Variants in CDIN1 observed in about 807,000 individuals in gnomAD.
The protein encoded by CDIN1 is CDAN1 interacting nuclease 1, also known as CDAN1-interacting nuclease 1.
In CDIN1, 33 loss-of-function variants were observed where a neutral mutation model predicts 45.3. The observed-to-expected ratio is 0.73, with a 90% CI of 0.55 to 0.97. The LOEUF is 0.97. Among genes scored for constraint, CDIN1 ranks in the 50% least tolerant of loss-of-function variants. CDIN1 has a pLI of 0.00. For synonymous variants in CDIN1, 118 were observed against 124.4 expected (o/e 0.95, Z 0.34); for missense variants, 303 against 339.4 (o/e 0.89, Z 0.84).
intron 1 of CDIN1, among the ~76,000 whole-genome samples, chr15:36,608,648 T>C (rs557977167): frequency 8.5e-5 from 13 of 152,270 alleles, no homozygotes; most frequent in African/African-American, 3.1e-4. Context: ...CCTTGAGTTA[T>C]TCTTTTTTAA....
intron 10 of CDIN1, among the ~76,000 whole-genome samples, chr15:36,731,651 G>A (rs966422399): frequency 6.6e-6 from 1 of 151,984 alleles, no homozygotes; most frequent in Non-Finnish European, 1.5e-5. Flanking sequence ...CTTAAAAAGT[G>A]CACCACAAGA....
At chr15:36,752,231 A>G (rs1310252360) in intron 10 of CDIN1, among the ~76,000 whole-genome samples, 1 of 152,204 alleles carries the variant, frequency 6.6e-6, no homozygotes, top group Non-Finnish European at 1.5e-5. Flanking sequence ...AGGGCACTAA[A>G]TTTTTATTTA....
At chr15:36,702,193 C>A in intron 8 of CDIN1, 2 of 697,152 alleles carry the variant, frequency 2.9e-6, no homozygotes, top group South Asian at 3.0e-5. Flanking sequence ...CTTGTCTATC[C>A]GAAGGTTAAA....
At chr15:36,677,828 TG>T (rs1458326079) in intron 5 of CDIN1, among the ~76,000 whole-genome samples, 8 of 152,150 alleles carry the variant, frequency 5.3e-5, no homozygotes. Flanking sequence ...AAGTTGTGTG[TG>T]TGAGTGTGGA....
chr15:36,718,144 A>G (rs946330263), intron 10 of CDIN1, among the ~76,000 whole-genome samples: 5 of 152,028 alleles, frequency 3.3e-5, no homozygotes, highest in Non-Finnish European at 5.9e-5. Flanking sequence ...TTCTCCACCT[A>G]AATTACCTTT....
At chr15:36,629,193 T>A (rs961562338) in intron 1 of CDIN1, among the ~76,000 whole-genome samples, 1 of 152,178 alleles carries the variant, frequency 6.6e-6, no homozygotes, top group African/African-American at 2.4e-5. Context: ...ATCCACCAAG[T>A]TTTTGGTAAT....
chr15:36,588,254 A>T (rs763759922), intron 1 of CDIN1, among the ~76,000 whole-genome samples: 7 of 79,456 alleles, frequency 8.8e-5, no homozygotes. Context: ...TTTTAAACCT[A>T]AATTCACTGA....
At chr15:36,749,635 C>T (rs1009970265) in intron 10 of CDIN1, among the ~76,000 whole-genome samples, 2 of 152,190 alleles carry the variant, frequency 1.3e-5, no homozygotes, top group African/African-American at 4.8e-5. Flanking sequence ...GATGCTATTG[C>T]ATCAGTAATT....
intron 1 of CDIN1, among the ~76,000 whole-genome samples, chr15:36,620,254 G>A (rs1445128414): frequency 6.6e-6 from 1 of 152,160 alleles, no homozygotes; most frequent in East Asian, 1.9e-4. Context: ...GGGAGGCTGA[G>A]GCAGGAGAAT....
In CDIN1 at chr15:36,749,673, A is replaced by G. The variant is rs531345246; in HGVS notation, c.716+39712A>G. 7.5e-4 allele frequency among the ~76,000 whole-genome samples: 114 copies of G among 152,372 alleles called. 1 individual carries two copies. The South Asian group carries it at 0.023, about 31-fold the overall frequency. Reference sequence around the variant, plus strand: ...ACAGTGGTTCTTCTTTTAAAAAGCAAAAACAAAAAAGTACATCTGTGTTTT... The same window carrying G: ...ACAGTGGTTCTTCTTTTAAAAAGCAGAAACAAAAAAGTACATCTGTGTTTT... On this transcript the variant is annotated intron_variant, in intron 10 of 10. Transcript: ENST00000566621.
chr15:36,646,922 T>G (rs1443246993), intron 3 of CDIN1, among the ~76,000 whole-genome samples: 1 of 152,174 alleles, frequency 6.6e-6, no homozygotes, highest in African/African-American at 2.4e-5. Context: ...GGTGCTGCTA[T>G]TTCAAATCTA....
At chr15:36,799,143 CT>C (rs964922686) in intron 10 of CDIN1, 17 of 152,226 alleles carry the variant, frequency 1.1e-4, no homozygotes, top group African/African-American at 3.4e-4. Context: ...ACACCCCCAA[CT>C]TTTGGAAGAA....
intron 10 of CDIN1, among the ~76,000 whole-genome samples, chr15:36,783,720 C>T (rs138350923): frequency 9.9e-5 from 15 of 152,214 alleles, no homozygotes; most frequent in South Asian, 4.1e-4. Flanking sequence ...AAACTGCTTG[C>T]GGAAGTTTAA....
chr15:36,590,408 C>A (rs1052682910), intron 1 of CDIN1, among the ~76,000 whole-genome samples: 1 of 152,088 alleles, frequency 6.6e-6, no homozygotes, highest in African/African-American at 2.4e-5. Flanking sequence ...TGAAACAAAG[C>A]AATTCGAGTA....
chr15:36,589,662 C>A (rs577630129), intron 1 of CDIN1, among the ~76,000 whole-genome samples: 3 of 152,060 alleles, frequency 2.0e-5, no homozygotes, highest in Admixed American at 2.0e-4. Context: ...CCCGCCACCA[C>A]GCCCGGCTAA....
chr15:36,726,616 A>G (rs1201252519), intron 10 of CDIN1, among the ~76,000 whole-genome samples: 2 of 152,236 alleles, frequency 1.3e-5, no homozygotes, highest in African/African-American at 4.8e-5. Context: ...TACATGGATT[A>G]ATGTTACTTA....
chr15:36,786,048 T>C (rs980867126), intron 10 of CDIN1, among the ~76,000 whole-genome samples: 2 of 152,188 alleles, frequency 1.3e-5, no homozygotes, highest in Non-Finnish European at 2.9e-5. Flanking sequence ...ATCCTGACTT[T>C]CCAGTGGTTT....
chr15:36,590,037 TA>T (rs1479177421), intron 1 of CDIN1, among the ~76,000 whole-genome samples: 1 of 152,218 alleles, frequency 6.6e-6, no homozygotes, highest in Non-Finnish European at 1.5e-5. Flanking sequence ...GAAGAGTCAG[TA>T]GTCCTTCTTC....
intron 1 of CDIN1, among the ~76,000 whole-genome samples, chr15:36,622,864 C>G (rs1479311634): frequency 1.3e-5 from 2 of 152,188 alleles, no homozygotes; most frequent in Non-Finnish European, 2.9e-5. Context: ...GGGAGGCAGC[C>G]TTTCTGGCTT....
Sources: allele counts gnomAD v4.1 joint callset (sites outside exome capture counted in the v4.1 genomes callset), GRCh38; gene constraint gnomAD v4.1.1; transcripts MANE v1.5; gene names NCBI Gene and HGNC (gene_info 2026-07-23, HGNC 2026-07-21).